The following PCDHA7 variants were observed in gnomAD, a reference collection of about 807,000 sequenced individuals.
The protein encoded by PCDHA7 is protocadherin alpha-7.
PCDHA7 carries 37 observed loss-of-function variants against 57.2 expected under a neutral mutation model. The observed-to-expected ratio is 0.65, with a 90% CI of 0.50 to 0.85. The LOEUF (loss-of-function observed/expected upper bound fraction) is 0.85, where lower values mean the gene tolerates loss of function less well. PCDHA7 is among the 40% of genes least tolerant of loss of function. PCDHA7 has a pLI of 0.00. For synonymous variants in PCDHA7, 553 were observed against 558.8 expected, an observed-to-expected ratio of 0.99 and a Z score of 0.15; for missense variants, 1,188 against 1,241.8, an observed-to-expected ratio of 0.96 and a Z score of 0.65.
chr5:140,911,941 T>C (rs1554195035), intron 1 of PCDHA7, among the ~76,000 whole-genome samples: 1 of 152,132 alleles, frequency 6.6e-6, no homozygotes, highest in Non-Finnish European at 1.5e-5. Flanking sequence ...TAGATGTATA[T>C]ATAAAGGGGA....
intron 1 of PCDHA7, chr5:140,929,687 C>T (rs2086294433): frequency 3.5e-6 from 1 of 288,138 alleles, no homozygotes; most frequent in African/African-American, 2.2e-5. Flanking sequence ...ATGTAAGAGT[C>T]TGCTTTATAT....
intron 3 of PCDHA7, among the ~76,000 whole-genome samples, chr5:140,998,707 A>G (rs1230153468): frequency 6.6e-6 from 1 of 151,942 alleles, no homozygotes; most frequent in African/African-American, 2.4e-5. Flanking sequence ...TGGGATTACA[A>G]GCTTGCACCA....
chr5:140,978,834 C>A (rs1294349430), intron 1 of PCDHA7, 115 bp from the exon 2 acceptor site: 3 of 1,546,580 alleles, frequency 1.9e-6, no homozygotes, highest in Non-Finnish European at 2.6e-6. Context: ...ATGGCTCATT[C>A]AATACTTTTT....
intron 1 of PCDHA7, chr5:140,850,246 C>A: frequency 1.9e-6 from 3 of 1,593,138 alleles, no homozygotes; most frequent in Non-Finnish European, 2.6e-6. Flanking sequence ...GTGCTGCGGT[C>A]GGTGGGCGCC....
At chr5:140,967,086 G>C in intron 1 of PCDHA7, 3 of 1,613,210 alleles carry the variant, frequency 1.9e-6, no homozygotes, top group Non-Finnish European at 2.5e-6. Context: ...CGCATTGATC[G>C]GGAGGCGCTG....
intron 1 of PCDHA7, among the ~76,000 whole-genome samples, chr5:140,948,792 T>C (rs1215416836): frequency 6.6e-6 from 1 of 151,646 alleles, no homozygotes; most frequent in Non-Finnish European, 1.5e-5. Context: ...TTTGTTGATA[T>C]ATTTTCTATT....
chr5:140,966,740 C>CGGCT (rs2096047340), intron 1 of PCDHA7: 1 of 1,422,580 alleles, frequency 7.0e-7, no homozygotes, highest in African/African-American at 1.5e-5. Flanking sequence ...CGGCCCTGCC[C>CGGCT]GGCTGCCTCC....
chr5:140,882,539 G>A (rs1303287274), intron 1 of PCDHA7: 2 of 1,614,110 alleles, frequency 1.2e-6, no homozygotes, highest in African/African-American at 2.7e-5. Flanking sequence ...TTCTCGGATC[G>A]ACCGCGAGGA....
At chr5:140,854,418 TA>T (rs1235351713) in intron 1 of PCDHA7, 1 of 151,722 alleles carries the variant, frequency 6.6e-6, no homozygotes, top group Non-Finnish European at 1.5e-5. Flanking sequence ...AAGTAATCTC[TA>T]AAATCAGAAT....
At position 140,884,430 on chromosome 5, in the gene PCDHA7, T is replaced by G. The variant is rs1554181548; in HGVS notation, c.2355+47692T>G. The G allele has an allele frequency of 2.5e-6, 4 of 1,613,804 alleles. No homozygotes were observed. The African/African-American group carries it at 4.0e-5, about 16-fold the overall frequency. ...CTCACGTTGCTGCTGTATACTGCGC[T>G]GCGGTGCTCGGCACCGCCCACCGAG... On this transcript the variant is annotated intron_variant, in intron 1 of 3. Transcript: ENST00000525929.
At chr5:140,875,474 T>A in intron 1 of PCDHA7, 2 of 1,606,582 alleles carry the variant, frequency 1.2e-6, no homozygotes, top group Non-Finnish European at 1.7e-6. Flanking sequence ...TTTTCTGCAA[T>A]GGTGATTATC....
At chr5:140,859,049 C>A (rs1416112480) in intron 1 of PCDHA7, 2 of 150,472 alleles carry the variant, frequency 1.3e-5, no homozygotes, top group African/African-American at 4.9e-5. Flanking sequence ...AAAACGTTTT[C>A]CATTTTTATT....
In PCDHA7 at chr5:140,844,942, G is replaced by GGACTCT. The variant is rs2150375378; in HGVS notation, c.2355+8207_2355+8212dup. On this transcript the variant is annotated intron_variant, in intron 1 of 3. Transcript: ENST00000525929. ...GATGGAAGGGAATGAACGATTTCTG[G>GGACTCT]GACTCTGAATTCTTACAGTTTGTTA... Among the ~76,000 whole-genome samples, 244 of 149,148 alleles carry GGACTCT rather than the reference G, an allele frequency of 1.6e-3. 12 individuals are homozygous for GGACTCT. The highest frequency in any genetic ancestry group is 2.1e-3 in the Non-Finnish European group (141 of 66,614).
chr5:140,966,341 G>T, intron 1 of PCDHA7: 1 of 396,732 alleles, frequency 2.5e-6, no homozygotes, highest in Non-Finnish European at 4.4e-6. Context: ...CAGGTCCAGG[G>T]TGAAGGAGAT....
intron 1 of PCDHA7, chr5:140,856,061 T>A (rs782207999): frequency 1.3e-6 from 2 of 1,588,972 alleles, no homozygotes; most frequent in Non-Finnish European, 8.6e-7. Context: ...GGTTTCCAGA[T>A]GTAGCTGCCT....
intron 2 of PCDHA7, 176 bp downstream of exon 2, chr5:140,979,183 G>C (rs2096838721): frequency 1.1e-6 from 1 of 925,482 alleles, no homozygotes; most frequent in Admixed American, 6.2e-5. Context: ...CAAATGGTCA[G>C]TGCCAGATGC....
chr5:140,957,468 T>C (rs1318789577), intron 1 of PCDHA7, among the ~76,000 whole-genome samples: 2 of 152,166 alleles, frequency 1.3e-5, no homozygotes, highest in African/African-American at 4.8e-5. Context: ...GGTATGTATG[T>C]ATAGGAAAAA....
intron 3 of PCDHA7, among the ~76,000 whole-genome samples, chr5:140,987,227 AT>A (rs1395687024): frequency 4.6e-5 from 7 of 151,696 alleles, no homozygotes; most frequent in African/African-American, 1.7e-4. Context: ...AAAAAAAAAA[AT>A]AATAAATAAA....
chr5:140,853,782 G>C (rs555382075), intron 1 of PCDHA7: 1 of 987,688 alleles, frequency 1.0e-6, no homozygotes, highest in Non-Finnish European at 1.2e-6. Context: ...TGGGTAGTAA[G>C]AGCAAATTTT....
Sources: gnomAD v4.1 joint callset for allele counts (sites outside exome capture counted in the v4.1 genomes callset) on GRCh38, gnomAD v4.1.1 for gene constraint, MANE v1.5 for transcripts, NCBI Gene and HGNC (gene_info 2026-07-23, HGNC 2026-07-21) for gene names.